The following CNIH3 variants were observed in gnomAD, a reference collection of about 807,000 sequenced individuals.
CNIH3 encodes the protein cornichon family AMPA receptor auxiliary protein 3.
In CNIH3, 14 loss-of-function variants were observed where a neutral mutation model predicts 24.1. The observed-to-expected ratio is 0.58, with a 90% CI of 0.38 to 0.91. CNIH3 has a LOEUF of 0.91. Ranked by LOEUF, CNIH3 falls within the 40% of genes least tolerant of loss-of-function variation. CNIH3 has a pLI of 0.00. For synonymous variants in CNIH3, 68 were observed against 73.8 expected (o/e 0.92, Z 0.40); for missense variants, 178 against 196.8 (o/e 0.90, Z 0.57).
chr1:224,474,144 C>A (rs1159200118), intron 1 of CNIH3, among the ~76,000 whole-genome samples: 1 of 152,094 alleles, frequency 6.6e-6, no homozygotes, highest in Non-Finnish European at 1.5e-5. Flanking sequence ...GTGGGCAGAT[C>A]ATGTGAGGTC....
chr1:224,653,711 A>G (rs533170561), intron 1 of CNIH3, among the ~76,000 whole-genome samples: 88 of 152,356 alleles, frequency 5.8e-4, no homozygotes, highest in Middle Eastern at 3.4e-3. Context: ...GCTTTTTAAT[A>G]CTACCTCAAG....
At chr1:224,577,987 A>G (rs1419695864) in intron 4 of CNIH3, among the ~76,000 whole-genome samples, 3 of 148,228 alleles carry the variant, frequency 2.0e-5, no homozygotes, top group Non-Finnish European at 4.5e-5. Flanking sequence ...CAAACATCCT[A>G]TGTTCTCACT....
intron 1 of CNIH3, among the ~76,000 whole-genome samples, chr1:224,644,283 T>C (rs1000506831): frequency 6.6e-6 from 1 of 152,206 alleles, no homozygotes; most frequent in Admixed American, 6.5e-5. Flanking sequence ...CAGTCATGGC[T>C]CACTGCAGCC....
At chr1:224,626,054 TC>T (rs1158132991) in intron 1 of CNIH3, among the ~76,000 whole-genome samples, 1 of 152,174 alleles carries the variant, frequency 6.6e-6, no homozygotes, top group Non-Finnish European at 1.5e-5. Context: ...CAGGCTGAAA[TC>T]CTTGCCATTC....
chr1:224,451,546 G>GT (rs1425192109), intron 1 of CNIH3, among the ~76,000 whole-genome samples: 1 of 152,138 alleles, frequency 6.6e-6, no homozygotes, highest in Non-Finnish European at 1.5e-5. Context: ...ATCTAGTTTT[G>GT]TTTTTCATTT....
At chr1:224,480,313 C>T (rs930500269) in intron 1 of CNIH3, among the ~76,000 whole-genome samples, 2 of 152,176 alleles carry the variant, frequency 1.3e-5, no homozygotes, top group African/African-American at 4.8e-5. Flanking sequence ...ACCATTTTCT[C>T]CTAGGCCTCT....
intron 1 of CNIH3, among the ~76,000 whole-genome samples, chr1:224,517,777 C>T (rs189126714): frequency 8.5e-5 from 13 of 152,240 alleles, no homozygotes; most frequent in East Asian, 7.7e-4. Context: ...AGTCTCGATC[C>T]GGGTTGCTGC....
rs1053807361 is a variant in CNIH3 at position 224,543,009 on chromosome 1, G to A, written n.340-3820G>A. 2.0e-5 allele frequency among the ~76,000 whole-genome samples: 3 copies of A among 152,304 alleles called. No homozygotes were observed. The South Asian group carries it at 6.2e-4, about 32-fold the overall frequency. On this transcript the variant is annotated intron_variant and non_coding_transcript_variant, in intron 2 of 5. Coordinates refer to the CNIH3 transcript ENST00000471578. ...TCTAGACAGCTTCTGCAAATGAGAA[G>A]ATTCAGGATGTGGGTAGGCTGAGTC...
chr1:224,488,977 T>C (rs1677139354), intron 1 of CNIH3, among the ~76,000 whole-genome samples: 1 of 152,226 alleles, frequency 6.6e-6, no homozygotes, highest in South Asian at 2.1e-4. Context: ...AATGTATGAA[T>C]CATTTCAGGG....
intron 3 of CNIH3, among the ~76,000 whole-genome samples, chr1:224,549,982 C>T (rs954253009): frequency 3.3e-5 from 5 of 151,770 alleles, no homozygotes; most frequent in African/African-American, 9.7e-5. Context: ...AATATCAGAG[C>T]GATTATATGT....
chr1:224,558,346 C>T (rs1442238270), intron 3 of CNIH3, among the ~76,000 whole-genome samples: 2 of 152,010 alleles, frequency 1.3e-5, no homozygotes, highest in African/African-American at 4.8e-5. Context: ...GCTTGGAAGT[C>T]CCAAAGTGTC....
At chr1:224,693,689 G>T (rs957660283) in intron 3 of CNIH3, among the ~76,000 whole-genome samples, 2 of 152,204 alleles carry the variant, frequency 1.3e-5, no homozygotes, top group African/African-American at 4.8e-5. Context: ...CAAAGTTAGG[G>T]GCAAAGGGTG....
At chr1:224,540,340 T>C (rs1022220871), downstream of CNIH3, among the ~76,000 whole-genome samples, 2 of 152,200 alleles carry the variant, frequency 1.3e-5, no homozygotes, top group Non-Finnish European at 2.9e-5. Context: ...TACTCAAACA[T>C]TTCTCTTGAA....
chr1:224,514,897 TTACACTCCTTTATTTTGCCTGTGTGG>T (rs1183476231), upstream of CNIH3, among the ~76,000 whole-genome samples: 1 of 152,170 alleles, frequency 6.6e-6, no homozygotes, highest in Non-Finnish European at 1.5e-5. Context: ...CCATACTACC[TTACACTCCTTTATTTTGCCTGTGTGG>T]AGCCTAGGCC....
chr1:224,611,683 C>T (rs991353371), upstream of CNIH3: 2 of 152,188 alleles, frequency 1.3e-5, no homozygotes, highest in Non-Finnish European at 2.9e-5. Flanking sequence ...GGAAAAAAAT[C>T]AAGTAATTGG....
chr1:224,652,119 A>G (rs181306315), intron 1 of CNIH3, among the ~76,000 whole-genome samples: 1 of 152,114 alleles, frequency 6.6e-6, no homozygotes, highest in Non-Finnish European at 1.5e-5. Context: ...AAGCAGGAAT[A>G]TTGGCCTGGG....
At chr1:224,697,263 G>A (rs753019416) in intron 3 of CNIH3, among the ~76,000 whole-genome samples, 1 of 152,192 alleles carries the variant, frequency 6.6e-6, no homozygotes, top group Non-Finnish European at 1.5e-5. Flanking sequence ...GCTGTACGCC[G>A]AAATTGCTTG....
intron 1 of CNIH3, among the ~76,000 whole-genome samples, chr1:224,459,575 T>C (rs1675819432): frequency 6.6e-6 from 1 of 152,132 alleles, no homozygotes; most frequent in Non-Finnish European, 1.5e-5. Context: ...TGCTTATCTT[T>C]CTCCTTAGAA....
intron 5 of CNIH3, among the ~76,000 whole-genome samples, chr1:224,583,514 G>T (rs80094541): frequency 0.011 from 1,696 of 152,250 alleles, 9 homozygotes; most frequent in Non-Finnish European, 0.017. Context: ...GATGATTTTG[G>T]ACATCATCAA....
Sources: gnomAD v4.1 joint callset for allele counts (sites outside exome capture counted in the v4.1 genomes callset) on GRCh38, gnomAD v4.1.1 for gene constraint, MANE v1.5 for transcripts, NCBI Gene and HGNC (gene_info 2026-07-23, HGNC 2026-07-21) for gene names.